Variants in TRPS1 observed in about 807,000 individuals in gnomAD.
The protein encoded by TRPS1 is zinc finger transcription factor Trps1.
TRPS1 carries 6 observed loss-of-function variants against 101.2 expected under a neutral mutation model. The ratio of observed to expected loss-of-function variants is 0.06; its 90% CI spans 0.03 to 0.12. The LOEUF (loss-of-function observed/expected upper bound fraction) is 0.12. TRPS1 is among the 10% of genes least tolerant of loss of function. The pLI, the probability that TRPS1 is intolerant of heterozygous loss-of-function variation, is 1.00. For synonymous variants in TRPS1, 578 were observed against 589.8 expected, an observed-to-expected ratio of 0.98 and a Z score of 0.29; for missense variants, 1,363 against 1,567.0, an observed-to-expected ratio of 0.87 and a Z score of 2.20.
chr8:115,436,008 A>T (rs1468458548), intron 5 of TRPS1, among the ~76,000 whole-genome samples: 3 of 145,606 alleles, frequency 2.1e-5, no homozygotes, highest in African/African-American at 7.5e-5. Context: ...TCACACACAC[A>T]CACACACACA....
At chr8:115,464,517 A>AT (rs1169932122) in intron 5 of TRPS1, among the ~76,000 whole-genome samples, 2 of 152,154 alleles carry the variant, frequency 1.3e-5, no homozygotes, top group African/African-American at 2.4e-5. Flanking sequence ...ATTCTATGTC[A>AT]TTTTTTATAT....
intron 5 of TRPS1, among the ~76,000 whole-genome samples, chr8:115,453,686 G>A (rs1463511635): frequency 6.6e-6 from 1 of 152,130 alleles, no homozygotes; most frequent in East Asian, 1.9e-4. Flanking sequence ...CATGGTTTCC[G>A]AAACACCTTC....
Position 115,641,700 on chromosome 8 carries a change from T to A in TRPS1, c.-121-17942A>T, listed in dbSNP as rs145805891. On this transcript the variant is annotated intron_variant, in intron 1 of 6. Transcript: ENST00000395715. ...TTCGAGATCACCCTGGCCAACATGG[T>A]GAAACCCCATCTCTACTAAAGTACA... is the stretch of plus-strand genomic sequence containing the variant. Among the ~76,000 whole-genome samples, 743 of 152,190 alleles carry A rather than the reference T, an allele frequency of 4.9e-3. 34 individuals carry two copies. In the East Asian group the frequency reaches 0.11, roughly 24 times the overall value.
At position 115,657,373 on chromosome 8, in the gene TRPS1, C is replaced by T. The variant is rs115627824; in HGVS notation, c.-122+11172G>A. Among the ~76,000 whole-genome samples the T allele has an allele frequency of 7.2e-3, 1,089 of 152,208 alleles. 13 individuals carry two copies. The highest frequency in any genetic ancestry group is 0.025 in the African/African-American group (1,045 of 41,530). On this transcript the variant is annotated intron_variant, in intron 1 of 6. Transcript: ENST00000395715. Reference sequence around the variant, plus strand: ...ATGGCTACTATTCTAGTTTGCGTTACTCCCTCGACTTGATGGAAGTACAAT... The same window carrying T: ...ATGGCTACTATTCTAGTTTGCGTTATTCCCTCGACTTGATGGAAGTACAAT...
intron 5 of TRPS1, among the ~76,000 whole-genome samples, chr8:115,572,920 G>A (rs1039543584): frequency 1.6e-4 from 25 of 152,032 alleles, no homozygotes; most frequent in Non-Finnish European, 1.5e-5. Flanking sequence ...ATCACCTGAG[G>A]TCAGGAGTTC....
At chr8:115,535,003 C>CATATATATAGCATATATATAAGCAT (rs1198083800) in intron 5 of TRPS1, among the ~76,000 whole-genome samples, 10 of 147,736 alleles carry the variant, frequency 6.8e-5, no homozygotes, top group South Asian at 4.3e-4. Context: ...ATATATATAG[C>CATATATATAGCATATATATAAGCAT]ATATATATAG....
intron 5 of TRPS1, among the ~76,000 whole-genome samples, chr8:115,472,899 C>T (rs1814507730): frequency 6.6e-6 from 1 of 152,318 alleles, no homozygotes; most frequent in East Asian, 1.9e-4. Context: ...CCAACAAGTT[C>T]CTCATCTCCA....
At chr8:115,523,187 T>A (rs1010116914) in intron 5 of TRPS1, among the ~76,000 whole-genome samples, 1 of 152,028 alleles carries the variant, frequency 6.6e-6, no homozygotes, top group Admixed American at 6.6e-5. Flanking sequence ...AACAGAAATA[T>A]ATAAGAATTG....
intron 3 of TRPS1, among the ~76,000 whole-genome samples, chr8:115,612,268 AG>A (rs1818187722): frequency 6.6e-6 from 1 of 151,936 alleles, no homozygotes; most frequent in Admixed American, 6.6e-5. Flanking sequence ...GAAGATGAGG[AG>A]GAGGAGGAAA....
intron 5 of TRPS1, among the ~76,000 whole-genome samples, chr8:115,575,261 G>C (rs1012008950): frequency 1.1e-4 from 16 of 152,074 alleles, no homozygotes; most frequent in African/African-American, 3.9e-4. Flanking sequence ...ACAACATATA[G>C]TGAAATACTA....
At chr8:115,640,439 T>C (rs1563663587) in intron 1 of TRPS1, among the ~76,000 whole-genome samples, 1 of 152,230 alleles carries the variant, frequency 6.6e-6, no homozygotes, top group Non-Finnish European at 1.5e-5. Flanking sequence ...CATGCCTGCC[T>C]TTAGAAGTCT....
chr8:115,516,551 C>T lies in TRPS1; in HGVS notation c.2700+70450G>A, dbSNP rs150958520. 1.1e-3 allele frequency among the ~76,000 whole-genome samples: 161 copies of T among 151,608 alleles called. 1 individual carries two copies. Among genetic ancestry groups the T allele is most frequent in the African/African-American group, 3.6e-3 (151 of 41,466 alleles). Reference sequence around the variant, plus strand: ...ACTCTATAAATAATAGAAGAAAGAACTCTATCATAATAAAAACAAGTAAAA... The same window carrying T: ...ACTCTATAAATAATAGAAGAAAGAATTCTATCATAATAAAAACAAGTAAAA... On this transcript the variant is annotated intron_variant, in intron 5 of 6. Coordinates refer to ENST00000395715, the MANE Select transcript of TRPS1 (RefSeq NM_014112.5).
chr8:115,556,452 T>C (rs1334087188), intron 5 of TRPS1, among the ~76,000 whole-genome samples: 1 of 152,186 alleles, frequency 6.6e-6, no homozygotes, highest in African/African-American at 2.4e-5. Context: ...CGGAGTCAAC[T>C]GTACAGGTCT....
chr8:115,595,482 G>C (rs1192657039), intron 4 of TRPS1, among the ~76,000 whole-genome samples: 2 of 151,850 alleles, frequency 1.3e-5, no homozygotes, highest in Non-Finnish European at 3.0e-5. Flanking sequence ...TACTCATCTT[G>C]CATTTTTAAG....
chr8:115,418,503 G>A lies in TRPS1; in HGVS notation c.2701-51C>T, dbSNP rs769497160. 22 of 1,613,512 alleles carry A rather than the reference G, an allele frequency of 1.4e-5. No individual in the cohort carries two copies. On this transcript the variant is annotated intron_variant, in intron 5 of 6. Coordinates refer to ENST00000395715, the MANE Select transcript of TRPS1 (RefSeq NM_014112.5). This position sits in a 1 kb window ranked among gnomAD's most constrained non-coding sequence, Gnocchi z 4.3. Reference sequence around the variant, plus strand: ...TCAGAGGTGAGTCACATGATCAGTGGAGTTAGACCAAATCAACCCAGGAGT... The same window carrying A: ...TCAGAGGTGAGTCACATGATCAGTGAAGTTAGACCAAATCAACCCAGGAGT...
At chr8:115,553,153 T>G (rs1816740536) in intron 5 of TRPS1, among the ~76,000 whole-genome samples, 1 of 152,048 alleles carries the variant, frequency 6.6e-6, no homozygotes, top group Non-Finnish European at 1.5e-5. Context: ...AAATTACATA[T>G]TTTTATACAT....
chr8:115,654,827 T>C (rs1461827736), intron 1 of TRPS1, among the ~76,000 whole-genome samples: 2 of 152,228 alleles, frequency 1.3e-5, no homozygotes, highest in Non-Finnish European at 1.5e-5. Context: ...TTGATGCCCA[T>C]ATCTAAAGTA....
chr8:115,553,149 C>T (rs1017776406), intron 5 of TRPS1, among the ~76,000 whole-genome samples: 2 of 152,118 alleles, frequency 1.3e-5, no homozygotes, highest in African/African-American at 4.8e-5. Flanking sequence ...ACCAAAATTA[C>T]ATATTTTTAT....
Position 115,446,010 on chromosome 8 carries a change from C to T in TRPS1, c.2701-27558G>A, listed in dbSNP as rs187236687. On this transcript the variant is annotated intron_variant, in intron 5 of 6. Transcript: ENST00000395715. ...CTGTATAACTCTTTTTTCCCCCTTT[C>T]GAACACTGATCACTTTTTAAGTCTG... 4.6e-5 allele frequency among the ~76,000 whole-genome samples: 7 copies of T among 151,910 alleles called. No individual in the cohort carries two copies. In the East Asian group the frequency reaches 1.2e-3, roughly 25 times the overall value.
Sources: allele counts gnomAD v4.1 joint callset (sites outside exome capture counted in the v4.1 genomes callset), GRCh38; gene constraint gnomAD v4.1.1; non-coding constraint Gnocchi (gnomAD v3.1); transcripts MANE v1.5; gene names NCBI Gene and HGNC (gene_info 2026-07-23, HGNC 2026-07-21).